ZMIZ2: variants seen among roughly 807,000 people sequenced by gnomAD.
ZMIZ2 encodes zinc finger MIZ domain-containing protein 2.
In ZMIZ2, 26 loss-of-function variants were observed where a neutral mutation model predicts 93.9. The ratio of observed to expected loss-of-function variants is 0.28; its 90% CI spans 0.20 to 0.38. ZMIZ2 has a LOEUF of 0.38. ZMIZ2 is among the 10% of genes least tolerant of loss of function. ZMIZ2 has a pLI of 1.00. For synonymous variants in ZMIZ2, 485 were observed against 516.4 expected, an observed-to-expected ratio of 0.94 and a Z score of 0.82; for missense variants, 1,023 against 1,235.0, an observed-to-expected ratio of 0.83 and a Z score of 2.57.
chr7:44,764,021 C>G (rs935984477), intron 13 of ZMIZ2, among the ~76,000 whole-genome samples: 6 of 152,174 alleles, frequency 3.9e-5, no homozygotes, highest in Admixed American at 6.5e-5. Context: ...GCCTGTAATC[C>G]CAGCCACTTA....
rs1479842056 is a variant in ZMIZ2, at chr7:44,761,647, A to AC, written c.1386-47dup. 6.2e-7 allele frequency: 1 copy of AC among 1,612,954 alleles called. No individual in the cohort carries two copies. Among genetic ancestry groups the AC allele is most frequent in the Admixed American group, 1.7e-5 (1 of 59,960 alleles). ...CCCACGAGGCTCTGTTCCTCCTCCCACACTCTCAGGGCCCGTTTTCTGGGT... is the reference window on the plus strand; with the variant it reads ...CCCACGAGGCTCTGTTCCTCCTCCCACCACTCTCAGGGCCCGTTTTCTGGGT... On this transcript the variant is annotated intron_variant, in intron 10 of 18. Transcript: ENST00000309315. The surrounding 1 kb of genome is among the most constrained non-coding windows in gnomAD (Gnocchi z 5.8).
At position 44,765,894 on chromosome 7, in the gene ZMIZ2, C is replaced by A; in HGVS notation, c.2243-270C>A. 7.2e-7 allele frequency: 1 copy of A among 1,385,624 alleles called. No individual in the cohort carries two copies. Among genetic ancestry groups the A allele is most frequent in the Non-Finnish European group, 9.4e-7 (1 of 1,068,578 alleles). 85.8% of individuals were successfully genotyped at this position (1,385,624 alleles called of 1,614,324 possible). On this transcript the variant is annotated intron_variant, in intron 16 of 18. Transcript: ENST00000309315. The surrounding 1 kb of genome is among the most constrained non-coding windows in gnomAD (Gnocchi z 4.1). ...CCCCATCTGGGGCCCCCCTCTGGGA[C>A]CCACCTCACACGCGTGGTGCGTTTG...
intron 11 of ZMIZ2, 116 bp from the exon 12 acceptor site, chr7:44,762,765 C>G: frequency 1.5e-6 from 1 of 645,636 alleles, no homozygotes; most frequent in Non-Finnish European, 2.3e-6. Context: ...CTGCCCTCAG[C>G]CTTGTCCCTC....
Position 44,759,332 on chromosome 7 carries a change from G to A in ZMIZ2, c.865G>A (p.Ala289Thr), listed in dbSNP as rs777103939. Residue 289 changes from alanine to threonine, a missense_variant, in exon 7 of 19, where the codon GCC (alanine) becomes ACC (threonine). Ala to Thr is a moderately conservative substitution (Grantham distance 58). This residue lies in a region of ZMIZ2 where 656 missense variants were observed against 777.1 expected (regional missense o/e 0.84). Coordinates refer to ENST00000309315, the MANE Select transcript of ZMIZ2 (RefSeq NM_031449.4). ...AGGAGGCCAGTATGCACCCAGCACC[G>A]CCCAGTTTGCGCCCAGCCCTGGGCA... ...LQGGQYAPST[A>T]QFAPSPGQPP... 68 of 1,602,248 alleles carry A rather than the reference G, an allele frequency of 4.2e-5. 1 individual carries two copies. The highest frequency in any genetic ancestry group is 4.0e-5 in the African/African-American group (3 of 74,112).
At position 44,757,001 on chromosome 7, in the gene ZMIZ2, C is replaced by G. The variant is rs368432141; in HGVS notation, c.220C>G (p.Pro74Ala). 1.9e-6 allele frequency: 3 copies of G among 1,612,692 alleles called. No homozygotes were observed. Among genetic ancestry groups the G allele is most frequent in the Non-Finnish European group, 2.5e-6 (3 of 1,179,498 alleles). ...AGSPSGSSMM[P>A]GVAGGSSALT... ...GAGTCCCTCTGGCAGCTCCATGATG[C>G]CTGGTGTGGCAGGGGGCAGCTCCGC... The change falls in exon 4 of 19, where the codon CCT (proline) becomes GCT (alanine). Residue 74 changes from proline to alanine, a missense_variant. This residue lies in a region of ZMIZ2 where 656 missense variants were observed against 777.1 expected (regional missense o/e 0.84). Transcript: ENST00000309315.
rs1223885909 is a variant in ZMIZ2, at chr7:44,748,959, C to T, written c.-95C>T. 6.7e-6 allele frequency: 1 copy of T among 148,868 alleles called. No individual in the cohort carries two copies. Among genetic ancestry groups the T allele is most frequent in the Non-Finnish European group, 1.5e-5 (1 of 66,562 alleles). The allele number at this position is 148,868 out of a possible 1,614,324, so 9.2% of individuals were successfully genotyped here. On this transcript the variant is annotated 5_prime_UTR_variant, in exon 1 of 19. Coordinates refer to ENST00000309315, the MANE Select transcript of ZMIZ2 (RefSeq NM_031449.4). ...ATGGAGCGGCGCGGGCCGGGGGCCG[C>T]CACGGCGAGGGGCCGGGCCAGGCCG...
chr7:44,757,485 C>T lies in ZMIZ2; in HGVS notation c.476C>T (p.Thr159Ile). The T allele has an allele frequency of 6.2e-7, 1 of 1,601,226 alleles. No homozygotes were observed. The highest frequency in any genetic ancestry group is 8.5e-7 in the Non-Finnish European group (1 of 1,175,202). The change falls in exon 5 of 19, where the codon ACT (threonine) becomes ATT (isoleucine). Residue 159 changes from threonine to isoleucine, a missense_variant. Around this residue, in one of 3 missense-constraint regions of ZMIZ2, gnomAD observed 656 missense variants for 777.1 expected, o/e 0.84. Transcript: ENST00000309315. ...AAAAVAAAAA[T>I]ATATATATVA... ...GCAGCTGTGGCTGCTGCGGCAGCCA[C>T]TGCCACCGCCACAGCCACAGCCACC... is the stretch of plus-strand genomic sequence containing the variant.
At position 44,765,143 on chromosome 7, in the gene ZMIZ2, A is replaced by G; in HGVS notation, c.1997+134A>G. 6 of 1,444,422 alleles carry G rather than the reference A, an allele frequency of 4.2e-6. No individual in the cohort carries two copies. The highest frequency in any genetic ancestry group is 5.7e-6 in the Non-Finnish European group (6 of 1,056,596). The allele number at this position is 1,444,422 out of a possible 1,614,324, so 89.5% of individuals were successfully genotyped here. A position where few individuals can be genotyped will look rare whatever the true frequency, so the allele number is the denominator to read the frequency against. On this transcript the variant is annotated intron_variant, in intron 15 of 18. Transcript: ENST00000309315. The surrounding 1 kb of genome is among the most constrained non-coding windows in gnomAD (Gnocchi z 4.1). ...CATGGAGCAGGCTGGATTCCAGGCCAGAGACAGCGTGTGTGTCCTACCTGA... is the reference window on the plus strand; with the variant it reads ...CATGGAGCAGGCTGGATTCCAGGCCGGAGACAGCGTGTGTGTCCTACCTGA...
Position 44,757,923 on chromosome 7 carries a change from A to G in ZMIZ2, c.628A>G (p.Met210Val), listed in dbSNP as rs1487455709. The change falls in exon 6 of 19, where the codon ATG becomes GTG. Residue 210 changes from methionine to valine, a missense_variant. Physicochemically the swap from Met to Val is conservative, Grantham distance 21. This residue lies in a region of ZMIZ2 where 656 missense variants were observed against 777.1 expected (regional missense o/e 0.84). Coordinates refer to ENST00000309315, the MANE Select transcript of ZMIZ2 (RefSeq NM_031449.4). Reference protein sequence around the residue: ...GPRGPSVPAGMNPTGIGGVMG... With the variant: ...GPRGPSVPAGVNPTGIGGVMG... ...CCGGGGGCCTAGTGTCCCCGCTGGCATGAACCCTACTGGCATAGGAGGGGT... is the reference window on the plus strand; with the variant it reads ...CCGGGGGCCTAGTGTCCCCGCTGGCGTGAACCCTACTGGCATAGGAGGGGT... 5.6e-6 allele frequency: 9 copies of G among 1,611,630 alleles called. No individual in the cohort carries two copies. Among genetic ancestry groups the G allele is most frequent in the Middle Eastern group, 3.3e-4 (2 of 6,072 alleles).
chr7:44,764,356 G>A (rs1005870132), intron 13 of ZMIZ2, 63 bp from the exon 14 acceptor site: 56 of 1,516,894 alleles, frequency 3.7e-5, no homozygotes, highest in Non-Finnish European at 5.0e-5. Context: ...GGATTGCAGA[G>A]TGACCAGATT....
intron 1 of ZMIZ2, among the ~76,000 whole-genome samples, chr7:44,753,242 TTTTTG>T (rs1790312170): frequency 6.6e-6 from 1 of 152,050 alleles, no homozygotes; most frequent in Admixed American, 6.6e-5. Context: ...GAGAATTCTT[TTTTTG>T]TTTTGTTTTG....
In ZMIZ2 at chr7:44,763,988, T is replaced by G. The variant is rs946316429; in HGVS notation, c.1861-431T>G. 1.3e-4 allele frequency among the ~76,000 whole-genome samples: 20 copies of G among 152,108 alleles called. No homozygotes were observed. The highest frequency in any genetic ancestry group is 4.6e-4 in the African/African-American group (19 of 41,418). ...CCTGTCTCTACTAAAATTACAAAAA[T>G]TAGCTGGGGCATGGTGGTGTGTGCC... On this transcript the variant is annotated intron_variant, in intron 13 of 18. Transcript: ENST00000309315. This position sits in a 1 kb window ranked among gnomAD's most constrained non-coding sequence, Gnocchi z 5.6.
chr7:44,764,032 C>A (rs768354192), intron 13 of ZMIZ2, among the ~76,000 whole-genome samples: 2 of 152,030 alleles, frequency 1.3e-5, no homozygotes, highest in Non-Finnish European at 2.9e-5. Flanking sequence ...CAGCCACTTA[C>A]GAGGCTGAGG....
At position 44,757,196 on chromosome 7, in the gene ZMIZ2, T is replaced by C. The variant is rs756217501; in HGVS notation, c.368+47T>C. The stretch of plus-strand genomic sequence containing the variant: ...GCAGGTATGCTAGGAGCCATCAATC[T>C]GGCAGGCACCTCAGAACTGTGGCGC... On this transcript the variant is annotated intron_variant, in intron 4 of 18. Coordinates refer to ENST00000309315, the MANE Select transcript of ZMIZ2 (RefSeq NM_031449.4). 3.2e-6 allele frequency: 5 copies of C among 1,553,182 alleles called. No individual in the cohort carries two copies. In the East Asian group the frequency reaches 1.2e-4, roughly 36 times the overall value.
At position 44,760,848 on chromosome 7, in the gene ZMIZ2, T is replaced by TA. The variant is rs11323295; in HGVS notation, c.1240+273dup. Among the ~76,000 whole-genome samples the TA allele has an allele frequency of 6.0e-3, 817 of 136,134 alleles. 3 individuals are homozygous for TA. The highest frequency in any genetic ancestry group is 0.014 in the African/African-American group (527 of 36,636). The allele number at this position is 136,134 out of a possible 152,430, so 89.3% of individuals were successfully genotyped here. A position where few individuals can be genotyped will look rare whatever the true frequency, so the allele number is the denominator to read the frequency against. ...TGGGTCCCAAAGCAAGACCCTGTCT[T>TA]AAAAAAAAAAAAAAAAAAGGCCAAG... On this transcript the variant is annotated intron_variant, in intron 9 of 18. Coordinates refer to ENST00000309315, the MANE Select transcript of ZMIZ2 (RefSeq NM_031449.4).
intron 1 of ZMIZ2, among the ~76,000 whole-genome samples, chr7:44,753,831 G>A (rs1370144889): frequency 6.6e-6 from 1 of 152,026 alleles, no homozygotes; most frequent in East Asian, 1.9e-4. Flanking sequence ...AAACCATTTT[G>A]AGTTACTTTC....
At position 44,765,408 on chromosome 7, in the gene ZMIZ2, A is replaced by G; in HGVS notation, c.2071A>G (p.Ile691Val). The change falls in exon 16 of 19, where the codon ATC becomes GTC. Residue 691 changes from isoleucine (I) to valine (V), a missense_variant. Ile to Val is a conservative substitution (Grantham distance 29, BLOSUM62 3). This residue lies in a region of ZMIZ2 where 319 missense variants were observed against 358.8 expected (regional missense o/e 0.89). Coordinates refer to ENST00000309315, the MANE Select transcript of ZMIZ2 (RefSeq NM_031449.4). The surrounding 1 kb of genome is among the most constrained non-coding windows in gnomAD (Gnocchi z 4.1). ...KPVPVKPDMHIKEEPDGPALK... is the reference protein window; with the variant it reads ...KPVPVKPDMHVKEEPDGPALK... ...AGTGCCCGTGAAGCCTGACATGCAC[A>G]TCAAGGAGGAGCCGGATGGGCCAGC... 6.2e-7 allele frequency: 1 copy of G among 1,612,610 alleles called. No individual in the cohort carries two copies. Among genetic ancestry groups the G allele is most frequent in the Non-Finnish European group, 8.5e-7 (1 of 1,179,978 alleles).
Position 44,767,765 on chromosome 7 carries a change from CCAGCCCTG to C in ZMIZ2, c.*144_*151del, listed in dbSNP as rs887956079. 8.0e-5 allele frequency: 58 copies of C among 726,924 alleles called. No individual in the cohort carries two copies. The Admixed American group carries it at 1.3e-3, about 16-fold the overall frequency. The allele number at this position is 726,924 out of a possible 1,614,324, so 45.0% of individuals were successfully genotyped here. ...CACCTGGAGCCAGAGCCTTCTGCCG[CCAGCCCTG>C]CCCCTGAATTGGAAGCAGCCCTGTG... On this transcript the variant is annotated 3_prime_UTR_variant, in exon 19 of 19. Transcript: ENST00000309315.
chr7:44,756,995 A>G lies in ZMIZ2; in HGVS notation c.214A>G (p.Met72Val). The change falls in exon 4 of 19, where the codon ATG (methionine) becomes GTG (valine). Residue 72 changes from methionine (M) to valine (V), a missense_variant. Transcript: ENST00000309315. ...TGCAGGGAGTCCCTCTGGCAGCTCCATGATGCCTGGTGTGGCAGGGGGCAG... is the reference window on the plus strand; with the variant it reads ...TGCAGGGAGTCCCTCTGGCAGCTCCGTGATGCCTGGTGTGGCAGGGGGCAG... ...GPAGSPSGSSMMPGVAGGSSA... is the reference protein window; with the variant it reads ...GPAGSPSGSSVMPGVAGGSSA... The G allele has an allele frequency of 1.9e-6, 3 of 1,612,688 alleles. No homozygotes were observed. The highest frequency in any genetic ancestry group is 2.5e-6 in the Non-Finnish European group (3 of 1,179,514).
Sources: allele counts gnomAD v4.1 joint callset (sites outside exome capture counted in the v4.1 genomes callset), GRCh38; gene constraint gnomAD v4.1.1; regional missense constraint gnomAD v4.1.1; non-coding constraint Gnocchi (gnomAD v3.1); transcripts MANE v1.5; gene names NCBI Gene and HGNC (gene_info 2026-07-23, HGNC 2026-07-21).